KIAA0319: variants seen among roughly 807,000 people sequenced by gnomAD.
The protein encoded by KIAA0319 is dyslexia-associated protein KIAA0319.
Under a neutral mutation model 108.4 loss-of-function variants are expected in KIAA0319, and 83 were observed. That is an observed-to-expected ratio of 0.77 (90% CI 0.64 to 0.92). The LOEUF (loss-of-function observed/expected upper bound fraction) is 0.92, where lower values mean the gene tolerates loss of function less well. Among genes scored for constraint, KIAA0319 ranks in the 40% least tolerant of loss-of-function variants. The probability of loss-of-function intolerance (pLI) is 0.00; values close to 1 mark genes in which losing one functional copy is unlikely to be tolerated. For synonymous variants in KIAA0319, 484 were observed against 510.4 expected (o/e 0.95, Z 0.70); for missense variants, 1,195 against 1,322.4 (o/e 0.90, Z 1.49).
chr6:24,639,091 A>T (rs892506227), intron 1 of KIAA0319, among the ~76,000 whole-genome samples: 1 of 152,198 alleles, frequency 6.6e-6, no homozygotes, highest in Non-Finnish European at 1.5e-5. Flanking sequence ...GTAAAGCTAG[A>T]GGGAAAAAAT....
intron 1 of KIAA0319, among the ~76,000 whole-genome samples, chr6:24,618,058 GA>G (rs1312238772): frequency 6.6e-6 from 1 of 151,826 alleles, no homozygotes; most frequent in African/African-American, 2.4e-5. Flanking sequence ...GGGTAGACCA[GA>G]AAAAAAATTT....
At chr6:24,576,935 CA>C (rs200255814) in intron 9 of KIAA0319, among the ~76,000 whole-genome samples, 48 of 136,894 alleles carry the variant, frequency 3.5e-4, no homozygotes, top group Admixed American at 5.1e-4. Flanking sequence ...AAAAAACAAC[CA>C]AAAAAAAAAG....
intron 1 of KIAA0319, among the ~76,000 whole-genome samples, chr6:24,638,768 A>G (rs978804029): frequency 1.7e-4 from 26 of 152,150 alleles, no homozygotes; most frequent in African/African-American, 6.0e-4. Context: ...TCAAAAAAAA[A>G]AAAAAGAATT....
At chr6:24,593,925 G>A (rs2127515626) in intron 3 of KIAA0319, among the ~76,000 whole-genome samples, 1 of 151,406 alleles carries the variant, frequency 6.6e-6, no homozygotes, top group African/African-American at 2.4e-5. Context: ...TTCAGGCCAG[G>A]TGCAGTGGCT....
At chr6:24,567,784 C>G (rs993201389) in intron 13 of KIAA0319, among the ~76,000 whole-genome samples, 1 of 152,106 alleles carries the variant, frequency 6.6e-6, no homozygotes, top group Non-Finnish European at 1.5e-5. Flanking sequence ...GGAGCACTAA[C>G]AACACTGGGG....
chr6:24,604,279 C>G (rs1021681275), intron 1 of KIAA0319, among the ~76,000 whole-genome samples: 1 of 152,150 alleles, frequency 6.6e-6, no homozygotes, highest in African/African-American at 2.4e-5. Context: ...CATCTTCCAT[C>G]TGCAGCCATT....
intron 14 of KIAA0319, 142 bp from the exon 15 acceptor site, chr6:24,564,482 G>T: frequency 9.6e-7 from 1 of 1,038,544 alleles, no homozygotes; most frequent in Non-Finnish European, 1.4e-6. Flanking sequence ...TGAGGCTGGC[G>T]GGATAGCTAA....
chr6:24,547,905 C>T (rs145011260), intron 20 of KIAA0319, among the ~76,000 whole-genome samples: 1,832 of 152,264 alleles, frequency 0.012, 30 homozygotes, highest in African/African-American at 0.04. Context: ...TGGTGGCTCA[C>T]GCCTATAATC....
intron 7 of KIAA0319, among the ~76,000 whole-genome samples, chr6:24,580,674 G>A (rs544836836): frequency 6.6e-6 from 1 of 152,296 alleles, no homozygotes; most frequent in African/African-American, 2.4e-5. Context: ...GTCAGATAGA[G>A]AGGGCTAAGG....
intron 20 of KIAA0319, among the ~76,000 whole-genome samples, chr6:24,549,813 T>C (rs10456306): frequency 0.37 from 55,497 of 151,740 alleles, 11,296 homozygotes; most frequent in Non-Finnish European, 0.47. Context: ...TGAACTGGGG[T>C]GGTGATGGTA....
At position 24,570,051 on chromosome 6, in the gene KIAA0319, C is replaced by A; in HGVS notation, c.1859-16G>T. 6.2e-7 allele frequency: 1 copy of A among 1,611,364 alleles called. No individual in the cohort carries two copies. On this transcript the variant is annotated splice_polypyrimidine_tract_variant and intron_variant, in intron 11 of 20. Coordinates refer to ENST00000378214, the MANE Select transcript of KIAA0319 (RefSeq NM_014809.4). The stretch of plus-strand genomic sequence containing the variant: ...CTATTGTTTTCTGGAATTACAGAAA[C>A]AGTGTGAAAAAGTATTATCTCTTTG...
At chr6:24,582,441 G>T in intron 5 of KIAA0319, 95 bp from the exon 6 acceptor site, 1 of 719,510 alleles carries the variant, frequency 1.4e-6, no homozygotes, top group South Asian at 1.5e-5. Context: ...AACCACCAGT[G>T]CAGATTACCT....
At chr6:24,588,532 C>A in intron 4 of KIAA0319, 61 bp downstream of exon 4, 1 of 1,451,608 alleles carries the variant, frequency 6.9e-7, no homozygotes, top group East Asian at 2.3e-5. Context: ...AAAGTTGTCA[C>A]CACCAAATTC....
At position 24,551,479 on chromosome 6, in the gene KIAA0319, C is replaced by T; in HGVS notation, c.2995G>A (p.Asp999Asn). The change falls in exon 20 of 21, where the codon GAT becomes AAT. Residue 999 changes from aspartate to asparagine, a missense_variant. Transcript: ENST00000378214. ...IRKKTKYTIL[D>N]NMDEQERMEL... is the part of the protein sequence containing the mutation. ...ATTCTTTCCTGTTCATCCATGTTATCCAGGATGGTGTACTTTGTTTTTTTC... is the reference window on the plus strand; with the variant it reads ...ATTCTTTCCTGTTCATCCATGTTATTCAGGATGGTGTACTTTGTTTTTTTC... The T allele has an allele frequency of 1.2e-6, 2 of 1,612,736 alleles. No homozygotes were observed. Among genetic ancestry groups the T allele is most frequent in the Middle Eastern group, 1.7e-4 (1 of 6,058 alleles).
chr6:24,565,805 C>G (rs1438130618), intron 14 of KIAA0319, among the ~76,000 whole-genome samples: 1 of 151,504 alleles, frequency 6.6e-6, no homozygotes, highest in African/African-American at 2.4e-5. Flanking sequence ...TTAACCTCGG[C>G]CAAGTCACTT....
intron 3 of KIAA0319, among the ~76,000 whole-genome samples, chr6:24,591,187 T>A (rs946877737): frequency 6.6e-6 from 1 of 152,144 alleles, no homozygotes; most frequent in East Asian, 1.9e-4. Context: ...TTATGAACAT[T>A]CATGTACAAG....
chr6:24,617,969 A>G (rs2745333), intron 1 of KIAA0319, among the ~76,000 whole-genome samples: 107,115 of 151,894 alleles, frequency 0.71, 39,601 homozygotes, highest in African/African-American at 0.92. Context: ...CCTGGGTGAC[A>G]GAGTGAGACT....
Position 24,578,211 on chromosome 6 carries a change from A to G in KIAA0319, c.1404T>C (p.Tyr468=), listed in dbSNP as rs138007914. The G allele has an allele frequency of 3.2e-5, 52 of 1,605,024 alleles. No homozygotes were observed. The African/African-American group carries it at 3.7e-4, about 12-fold the overall frequency. Residue 468 remains tyrosine, a synonymous_variant, in exon 9 of 21, where the codon TAT becomes TAC. Coordinates refer to ENST00000378214, the MANE Select transcript of KIAA0319 (RefSeq NM_014809.4). ...QSTDDTEIVS[Y]HWEEINGPFI... is the part of the protein sequence containing the mutation. ...AGGGCCCGTTTATTTCTTCCCAATG[A>G]TAACTCACTATTTCAGTATCATCTG...
intron 12 of KIAA0319, 144 bp from the exon 13 acceptor site, chr6:24,569,073 G>A: frequency 1.2e-6 from 1 of 804,208 alleles, no homozygotes; most frequent in South Asian, 1.8e-5. Flanking sequence ...CCATTCATCT[G>A]TACTCTCTAG....
Sources: gnomAD v4.1 joint callset for allele counts (sites outside exome capture counted in the v4.1 genomes callset) on GRCh38, gnomAD v4.1.1 for gene constraint, MANE v1.5 for transcripts, NCBI Gene and HGNC (gene_info 2026-07-23, HGNC 2026-07-21) for gene names.